The following CREB5 variants were observed in gnomAD, a reference collection of about 807,000 sequenced individuals.
CREB5 encodes cAMP responsive element binding protein 5, also known as cyclic AMP-responsive element-binding protein 5.
CREB5 carries 19 observed loss-of-function variants against 57.1 expected under a neutral mutation model. That is an observed-to-expected ratio of 0.33 (90% CI 0.23 to 0.49). The LOEUF (loss-of-function observed/expected upper bound fraction) is 0.49, where lower values mean the gene tolerates loss of function less well. Ranked by LOEUF, CREB5 falls within the 20% of genes least tolerant of loss-of-function variation. The probability of loss-of-function intolerance (pLI) is 0.99; values close to 1 mark genes in which losing one functional copy is unlikely to be tolerated. For synonymous variants in CREB5, 238 were observed against 238.3 expected, an observed-to-expected ratio of 1.00 and a Z score of 0.01; for missense variants, 579 against 671.6, an observed-to-expected ratio of 0.86 and a Z score of 1.52.
chr7:28,632,014 G>T (rs1798224571), intron 5 of CREB5, among the ~76,000 whole-genome samples: 1 of 152,168 alleles, frequency 6.6e-6, no homozygotes, highest in Non-Finnish European at 1.5e-5. Context: ...AGGGCACTTT[G>T]TAACTAAAGT....
At chr7:28,420,262 T>G (rs772397335) in intron 1 of CREB5, among the ~76,000 whole-genome samples, 37 of 152,206 alleles carry the variant, frequency 2.4e-4, no homozygotes, top group Non-Finnish European at 4.1e-4. Context: ...AAATGTGCTT[T>G]CTTTCTTTTT....
chr7:28,735,101 C>T (rs558035852), intron 7 of CREB5, among the ~76,000 whole-genome samples: 33 of 151,594 alleles, frequency 2.2e-4, no homozygotes, highest in African/African-American at 7.0e-4. Flanking sequence ...TACACTTAAT[C>T]GTTTTGGTTT....
chr7:28,376,344 T>C (rs1786825237), intron 1 of CREB5, among the ~76,000 whole-genome samples: 1 of 149,868 alleles, frequency 6.7e-6, no homozygotes, highest in Non-Finnish European at 1.5e-5. Context: ...TCTCATCTCA[T>C]TGCAACCTTC....
At chr7:28,306,245 G>A (rs868089290) in intron 1 of CREB5, among the ~76,000 whole-genome samples, 8 of 152,264 alleles carry the variant, frequency 5.3e-5, no homozygotes, top group Middle Eastern at 6.8e-3. Flanking sequence ...TTTACGGAGA[G>A]CTCTTTATGT....
intron 7 of CREB5, among the ~76,000 whole-genome samples, chr7:28,789,144 A>T (rs1191125863): frequency 6.6e-6 from 1 of 152,230 alleles, no homozygotes; most frequent in Non-Finnish European, 1.5e-5. Flanking sequence ...CAGAATACAC[A>T]GAAACCACCT....
At chr7:28,799,229 T>A (rs1808229586) in intron 7 of CREB5, among the ~76,000 whole-genome samples, 1 of 152,198 alleles carries the variant, frequency 6.6e-6, no homozygotes, top group African/African-American at 2.4e-5. Flanking sequence ...GAGGGTAGAC[T>A]CAACCCAGAG....
intron 7 of CREB5, among the ~76,000 whole-genome samples, chr7:28,798,639 A>G (rs971140557): frequency 6.6e-6 from 1 of 152,188 alleles, no homozygotes; most frequent in Non-Finnish European, 1.5e-5. Flanking sequence ...AGGAGCTGAG[A>G]AAATACATGG....
intron 1 of CREB5, among the ~76,000 whole-genome samples, chr7:28,432,659 G>A (rs1788773022): frequency 6.6e-6 from 1 of 152,184 alleles, no homozygotes; most frequent in African/African-American, 2.4e-5. Flanking sequence ...TCCTGTCCGA[G>A]TCAGAAAGGA....
At chr7:28,446,660 T>G (rs535710798) in intron 1 of CREB5, among the ~76,000 whole-genome samples, 1 of 152,116 alleles carries the variant, frequency 6.6e-6, no homozygotes, top group South Asian at 2.1e-4. Context: ...GGCGTGGTGG[T>G]GGGTGCCTGT....
chr7:28,789,734 T>C (rs1449997399), intron 7 of CREB5, among the ~76,000 whole-genome samples: 1 of 152,176 alleles, frequency 6.6e-6, no homozygotes, highest in Non-Finnish European at 1.5e-5. Context: ...AGAAGGTGGA[T>C]TCATACAGCA....
At chr7:28,793,801 A>G (rs916993086) in intron 7 of CREB5, among the ~76,000 whole-genome samples, 17 of 152,372 alleles carry the variant, frequency 1.1e-4, no homozygotes, top group African/African-American at 4.1e-4. Context: ...GTCACCAAGC[A>G]CATACCCAAG....
At chr7:28,374,172 C>T (rs1786775309) in intron 1 of CREB5, among the ~76,000 whole-genome samples, 1 of 152,024 alleles carries the variant, frequency 6.6e-6, no homozygotes, top group Non-Finnish European at 1.5e-5. Context: ...AAGGAGATAC[C>T]ACTACACACC....
chr7:28,556,616 G>T (rs920897637), intron 4 of CREB5, among the ~76,000 whole-genome samples: 1 of 152,072 alleles, frequency 6.6e-6, no homozygotes, highest in African/African-American at 2.4e-5. Context: ...GGATATACTG[G>T]TGATAAAATA....
chr7:28,736,824 C>CTTTT lies in CREB5; in HGVS notation c.702+12506_702+12509dup, dbSNP rs35313065. On this transcript the variant is annotated intron_variant, in intron 7 of 10. Transcript: ENST00000357727. ...ATGTACTTAGGCTCTCTCTCTCTCT[C>CTTTT]TTTTTTTTTTTTTTTTTAACAGTAG... Among the ~76,000 whole-genome samples the CTTTT allele has an allele frequency of 5.2e-5, 7 of 134,832 alleles. No individual in the cohort carries two copies. In the South Asian group the frequency reaches 1.7e-3, roughly 33 times the overall value. 88.5% of individuals were successfully genotyped at this position (134,832 alleles called of 152,430 possible).
intron 4 of CREB5, among the ~76,000 whole-genome samples, chr7:28,513,130 G>A (rs937130560): frequency 1.3e-5 from 2 of 152,240 alleles, no homozygotes; most frequent in African/African-American, 4.8e-5. Flanking sequence ...AGAAGGTGCG[G>A]AAGGAGAGGC....
chr7:28,441,380 T>C (rs1789177643), intron 1 of CREB5, among the ~76,000 whole-genome samples: 1 of 152,166 alleles, frequency 6.6e-6, no homozygotes. Flanking sequence ...GGAAAGAAAC[T>C]CTAAAATATA....
In CREB5 at chr7:28,307,926, A is replaced by T. The variant is rs189270570; in HGVS notation, c.-25+8485A>T. On this transcript the variant is annotated intron_variant, in intron 1 of 9. Coordinates refer to the CREB5 transcript ENST00000396299. ...AGACTTTTCCTTAAACGGAGCCCCTAATGATGCATGGGAGCTGGTAGATAA... is the reference window on the plus strand; with the variant it reads ...AGACTTTTCCTTAAACGGAGCCCCTTATGATGCATGGGAGCTGGTAGATAA... 5.3e-3 allele frequency among the ~76,000 whole-genome samples: 808 copies of T among 152,334 alleles called. 9 individuals carry two copies. Among genetic ancestry groups the T allele is most frequent in the African/African-American group, 0.018 (762 of 41,580 alleles).
intron 5 of CREB5, among the ~76,000 whole-genome samples, chr7:28,608,808 G>C (rs1797277742): frequency 6.6e-6 from 1 of 152,218 alleles, no homozygotes; most frequent in South Asian, 2.1e-4. Flanking sequence ...GCTAATGATA[G>C]GGACTGTTGG....
chr7:28,586,254 T>C (rs990394442), intron 5 of CREB5, among the ~76,000 whole-genome samples: 2 of 152,108 alleles, frequency 1.3e-5, no homozygotes, highest in African/African-American at 4.8e-5. Context: ...AGAGCCCTGA[T>C]GAAAGACCCC....
Sources: gnomAD v4.1 joint callset for allele counts (sites outside exome capture counted in the v4.1 genomes callset) on GRCh38, gnomAD v4.1.1 for gene constraint, MANE v1.5 for transcripts, NCBI Gene and HGNC (gene_info 2026-07-23, HGNC 2026-07-21) for gene names.